Variants in SLC37A3 observed in about 807,000 individuals in gnomAD.
The protein encoded by SLC37A3 is solute carrier family 37 member 3.
A neutral mutation model predicts 67.1 loss-of-function variants in SLC37A3; 51 were observed. The observed-to-expected ratio is 0.76, with a 90% CI of 0.61 to 0.96. The LOEUF is 0.96. Among genes scored for constraint, SLC37A3 ranks in the 40% least tolerant of loss-of-function variants. The pLI is 0.00. For missense variants in SLC37A3, 508 were observed against 603.0 expected (o/e 0.84, Z 1.65); for synonymous variants, 214 against 231.4 (o/e 0.92, Z 0.68).
intron 6 of SLC37A3, among the ~76,000 whole-genome samples, chr7:140,358,353 G>A (rs1002754578): frequency 4.6e-5 from 7 of 152,128 alleles, no homozygotes; most frequent in African/African-American, 1.7e-4. Flanking sequence ...ATAAAGAAAC[G>A]ATGAGTAAAA....
At chr7:140,386,777 T>G (rs907234351) in intron 1 of SLC37A3, 2 of 152,162 alleles carry the variant, frequency 1.3e-5, no homozygotes, top group Non-Finnish European at 1.5e-5. Flanking sequence ...TTTTTATTTT[T>G]TAAAGCCTAC....
chr7:140,347,297 A>ATAAAATT (rs71782492), intron 10 of SLC37A3, among the ~76,000 whole-genome samples: 3,541 of 151,690 alleles, frequency 0.023, 132 homozygotes, highest in African/African-American at 0.081. Flanking sequence ...ATTCACTAAA[A>ATAAAATT]TAAAATTTAG....
At chr7:140,344,517 A>T (rs1796476980) in intron 12 of SLC37A3, among the ~76,000 whole-genome samples, 1 of 152,082 alleles carries the variant, frequency 6.6e-6, no homozygotes, top group African/African-American at 2.4e-5. Flanking sequence ...GCATTTTGGG[A>T]GGCCAAGGCA....
Position 140,351,345 on chromosome 7 carries a change from T to G in SLC37A3, c.810A>C (p.Gln270His). ...TGACTTGGGCAACAGAACTATCATC[T>G]TGGATTGAATAATTCGGCTCATATT... ...EDEYEPNYSIQDDSSVAQVKA... is the reference protein window; with the variant it reads ...EDEYEPNYSIHDDSSVAQVKA... Residue 270 changes from glutamine (Q) to histidine (H), a missense_variant, in exon 9 of 15, where the codon CAA becomes CAC. Physicochemically the swap from Gln to His is conservative, Grantham distance 24. Coordinates refer to ENST00000326232, the MANE Select transcript of SLC37A3 (RefSeq NM_207113.3). The G allele has an allele frequency of 6.2e-7, 1 of 1,614,192 alleles. No homozygotes were observed. Among genetic ancestry groups the G allele is most frequent in the Non-Finnish European group, 8.5e-7 (1 of 1,180,042 alleles).
intron 13 of SLC37A3, among the ~76,000 whole-genome samples, chr7:140,342,396 C>T (rs796192148): frequency 3.9e-5 from 6 of 152,300 alleles, no homozygotes; most frequent in African/African-American, 7.2e-5. Context: ...ACCTTACTAA[C>T]GCCTTCTCAA....
At chr7:140,392,654 G>A (rs927006534) in intron 1 of SLC37A3, among the ~76,000 whole-genome samples, 46 of 152,308 alleles carry the variant, frequency 3.0e-4, no homozygotes, top group African/African-American at 9.9e-4. Context: ...TAAATAGGAC[G>A]CTTAGGGCTG....
intron 3 of SLC37A3, among the ~76,000 whole-genome samples, chr7:140,378,877 T>A (rs1190534657): frequency 1.3e-5 from 2 of 149,786 alleles, no homozygotes; most frequent in Non-Finnish European, 3.0e-5. Context: ...CGAAACCCCT[T>A]CTCTACTAAA....
chr7:140,346,484 A>G (rs1796567207), intron 10 of SLC37A3, among the ~76,000 whole-genome samples: 1 of 152,236 alleles, frequency 6.6e-6, no homozygotes, highest in African/African-American at 2.4e-5. Context: ...ACAGGAGACC[A>G]CAAATCAGAC....
chr7:140,369,517 A>G (rs1797735283), intron 4 of SLC37A3, 73 bp downstream of exon 4: 2 of 1,273,272 alleles, frequency 1.6e-6, no homozygotes, highest in Non-Finnish European at 2.2e-6. Context: ...ATCCCTTACA[A>G]ATTTTGTAAG....
intron 7 of SLC37A3, 138 bp downstream of exon 7, chr7:140,355,530 T>C: frequency 1.3e-6 from 1 of 791,146 alleles, no homozygotes; most frequent in Non-Finnish European, 2.0e-6. Flanking sequence ...TTGTCTACTT[T>C]TAATACAAGC....
intron 14 of SLC37A3, among the ~76,000 whole-genome samples, chr7:140,336,839 C>T (rs938984607): frequency 6.6e-6 from 1 of 152,118 alleles, no homozygotes; most frequent in African/African-American, 2.4e-5. Context: ...TGGCTCCTGC[C>T]TGTAATCCCA....
chr7:140,351,884 T>C, intron 8 of SLC37A3, 178 bp downstream of exon 8: 2 of 721,754 alleles, frequency 2.8e-6, no homozygotes, highest in South Asian at 1.5e-5. Context: ...CACGTCCAGC[T>C]GTGCCAGGGG....
At chr7:140,352,005 T>A (rs1453571810) in intron 8 of SLC37A3, 57 bp downstream of exon 8, 2 of 1,509,956 alleles carry the variant, frequency 1.3e-6, no homozygotes, top group Non-Finnish European at 1.8e-6. Flanking sequence ...TGGCCTCAGA[T>A]TTCCTTTCGG....
chr7:140,397,193 C>T (rs1798969990), intron 1 of SLC37A3, among the ~76,000 whole-genome samples: 1 of 141,434 alleles, frequency 7.1e-6, no homozygotes, highest in African/African-American at 2.6e-5. Flanking sequence ...AGAACAAAAA[C>T]TCAGTCTCAA....
intron 1 of SLC37A3, among the ~76,000 whole-genome samples, chr7:140,383,383 A>T (rs1462939019): frequency 1.3e-5 from 2 of 152,150 alleles, no homozygotes; most frequent in Non-Finnish European, 2.9e-5. Flanking sequence ...AGACAGGAAG[A>T]TCCCTTGAGT....
At chr7:140,343,149 CTG>C (rs1796423611) in intron 13 of SLC37A3, among the ~76,000 whole-genome samples, 2 of 152,196 alleles carry the variant, frequency 1.3e-5, no homozygotes, top group Non-Finnish European at 2.9e-5. Context: ...GCAGAAGGAT[CTG>C]TCTGTCTTAC....
rs375053864 is a variant in SLC37A3, at chr7:140,393,719, C to T, written c.-71+4697G>A. Among the ~76,000 whole-genome samples the T allele has an allele frequency of 5.3e-5, 8 of 152,152 alleles. No individual in the cohort carries two copies. The East Asian group carries it at 5.8e-4, about 11-fold the overall frequency. ...TGGTTACTACCTCTCTCATCTCTTTCGCCATTTCTTTCCTTCAGAGCATCT... is the reference window on the plus strand; with the variant it reads ...TGGTTACTACCTCTCTCATCTCTTTTGCCATTTCTTTCCTTCAGAGCATCT... On this transcript the variant is annotated intron_variant, in intron 1 of 14. Coordinates refer to ENST00000326232, the MANE Select transcript of SLC37A3 (RefSeq NM_207113.3).
rs1796832514 is a variant in SLC37A3 at position 140,352,117 on chromosome 7, CT to C, written c.647del (p.Gln216ArgfsTer38). 3.1e-6 allele frequency: 5 copies of C among 1,613,344 alleles called. No homozygotes were observed. Among genetic ancestry groups the C allele is most frequent in the Non-Finnish European group, 4.2e-6 (5 of 1,179,900 alleles). On this transcript the variant is annotated frameshift_variant, in exon 8 of 15. Transcript: ENST00000326232. LOFTEE classifies it high-confidence loss of function. The part of the protein sequence containing the change: ...EYAFLVTASV[Q>X]FAGGIVIFFG... ...AGAAGATAACGATCCCACCAGCAAA[CT>C]GCACAGACGCCGTCACCAGAAAGGC...
intron 5 of SLC37A3, among the ~76,000 whole-genome samples, chr7:140,359,592 C>G (rs1797184356): frequency 6.6e-6 from 1 of 152,174 alleles, no homozygotes; most frequent in Non-Finnish European, 1.5e-5. Flanking sequence ...AACTTGTGAT[C>G]TGCTGAATCA....
Sources: gnomAD v4.1 joint callset for allele counts (sites outside exome capture counted in the v4.1 genomes callset) on GRCh38, gnomAD v4.1.1 for gene constraint, MANE v1.5 for transcripts, NCBI Gene and HGNC (gene_info 2026-07-23, HGNC 2026-07-21) for gene names.